The following CYFIP1 variants were observed in gnomAD, a reference collection of about 807,000 sequenced individuals.
The protein encoded by CYFIP1 is cytoplasmic FMR1-interacting protein 1.
A neutral mutation model predicts 163.5 loss-of-function variants in CYFIP1; 58 were observed. The observed-to-expected ratio is 0.35, with a 90% CI of 0.29 to 0.44. CYFIP1 has a LOEUF of 0.44. Among genes scored for constraint, CYFIP1 ranks in the 20% least tolerant of loss-of-function variants. The pLI is 1.00. For synonymous variants in CYFIP1, 663 were observed against 660.7 expected, an observed-to-expected ratio of 1.00 and a Z score of -0.05; for missense variants, 1,338 against 1,653.8, an observed-to-expected ratio of 0.81 and a Z score of 3.31.
chr15:22,931,869 CTATGTTTAGA>C (rs926584802), intron 11 of CYFIP1, among the ~76,000 whole-genome samples: 2 of 151,978 alleles, frequency 1.3e-5, no homozygotes, highest in African/African-American at 4.8e-5. Context: ...TGTACCTTTT[CTATGTTTAGA>C]TATGTTTAGA....
At position 22,891,924 on chromosome 15, in the gene CYFIP1, T is replaced by C. The variant is rs553379863; in HGVS notation, c.2676+966A>G. ...TGTGAGCGGCAGGGCCTGGGCCCTC[T>C]CCATCCCAGCTCCAGGCATTGGGCA... On this transcript the variant is annotated intron_variant, in intron 23 of 30. Coordinates refer to ENST00000617928, the MANE Select transcript of CYFIP1 (RefSeq NM_014608.6). Among the ~76,000 whole-genome samples the C allele has an allele frequency of 2.2e-4, 34 of 152,340 alleles. 1 individual carries two copies. The highest frequency in any genetic ancestry group is 2.0e-3 in the Admixed American group (30 of 15,306).
At chr15:22,913,065 G>A (rs763736947) in intron 17 of CYFIP1, among the ~76,000 whole-genome samples, 14 of 151,884 alleles carry the variant, frequency 9.2e-5, no homozygotes, top group African/African-American at 1.9e-4. Context: ...GTGTGGTGGC[G>A]CATGCCTGTA....
rs752890479 is a variant in CYFIP1 at position 22,928,015 on chromosome 15, G to A, written c.1124C>T (p.Ser375Leu). The change falls in exon 12 of 31, where the codon TCG (serine) becomes TTG (leucine). Residue 375 changes from serine to leucine, a missense_variant. Around this residue, in one of 4 missense-constraint regions of CYFIP1, gnomAD observed 824 missense variants for 995.7 expected, o/e 0.83. Transcript: ENST00000617928. ...RYSNSEVVTG[S>L]GRQEAQKTDA... Reference sequence around the variant, plus strand: ...CGTCTTCTGGGCCTCCTGGCGGCCCGAGCCCGTGACCACCTGCACAAGGCG... The same window carrying A: ...CGTCTTCTGGGCCTCCTGGCGGCCCAAGCCCGTGACCACCTGCACAAGGCG... 3.8e-6 allele frequency: 6 copies of A among 1,567,024 alleles called. No homozygotes were observed. The highest frequency in any genetic ancestry group is 1.2e-5 in the South Asian group (1 of 85,540).
rs554647215 is a variant in CYFIP1 at position 22,971,731 on chromosome 15, G to A, written c.-7+8556C>T. ...GAAATAAAATAAAAAGTAGCTGCAC[G>A]TGGTGGCTCACACCTGTAGTCCCAG... is the stretch of plus-strand genomic sequence containing the variant. On this transcript the variant is annotated intron_variant, in intron 1 of 30. Transcript: ENST00000617928. 2.8e-4 allele frequency among the ~76,000 whole-genome samples: 43 copies of A among 152,102 alleles called. No homozygotes were observed. The South Asian group carries it at 3.3e-3, about 12-fold the overall frequency.
chr15:22,904,124 C>T lies in CYFIP1; in HGVS notation c.2389-219G>A. 5 of 595,610 alleles carry T rather than the reference C, an allele frequency of 8.4e-6. No individual in the cohort carries two copies. In the South Asian group the frequency reaches 9.9e-5, roughly 12 times the overall value. The allele number at this position is 595,610 out of a possible 1,614,324, so 36.9% of individuals were successfully genotyped here. ...GTCATGCCTTTCTCCACTGCAGTCACCTCCACGCCACCTACCCCTGCTGTC... is the reference window on the plus strand; with the variant it reads ...GTCATGCCTTTCTCCACTGCAGTCATCTCCACGCCACCTACCCCTGCTGTC... On this transcript the variant is annotated intron_variant, in intron 21 of 30. Coordinates refer to ENST00000617928, the MANE Select transcript of CYFIP1 (RefSeq NM_014608.6).
In CYFIP1 at chr15:22,947,244, C is replaced by T. The variant is rs553275195; in HGVS notation, c.42G>A (p.Val14=). 6.2e-7 allele frequency: 1 copy of T among 1,613,982 alleles called. No homozygotes were observed. Among genetic ancestry groups the T allele is most frequent in the Non-Finnish European group, 8.5e-7 (1 of 1,179,958 alleles). Reference sequence around the variant, plus strand: ...GCAGGGGCAGCTCCTCCAGGAGGTCCACGTTGGACAGCGCGTCCTCCAGAG... The same window carrying T: ...GCAGGGGCAGCTCCTCCAGGAGGTCTACGTTGGACAGCGCGTCCTCCAGAG... ...QVTLEDALSN[V]DLLEELPLPD... is the part of the protein sequence containing the mutation. Residue 14 remains valine (V), a synonymous_variant, in exon 2 of 31, where the codon GTG becomes GTA. Transcript: ENST00000617928.
intron 26 of CYFIP1, among the ~76,000 whole-genome samples, chr15:22,878,905 G>A (rs1414715658): frequency 6.6e-6 from 1 of 152,130 alleles, no homozygotes; most frequent in Non-Finnish European, 1.5e-5. Flanking sequence ...GGGAGACCAA[G>A]GCGGGTGGAT....
chr15:22,955,107 T>C (rs1049424233), intron 1 of CYFIP1, among the ~76,000 whole-genome samples: 1 of 152,174 alleles, frequency 6.6e-6, no homozygotes, highest in East Asian at 1.9e-4. Context: ...GCCACCCACT[T>C]GAAGGGCAGT....
At chr15:22,870,553 C>G (rs2059405712) in intron 30 of CYFIP1, among the ~76,000 whole-genome samples, 1 of 152,004 alleles carries the variant, frequency 6.6e-6, no homozygotes, top group Non-Finnish European at 1.5e-5. Context: ...CTCAAGCAAT[C>G]CTCCTCTGCC....
intron 23 of CYFIP1, among the ~76,000 whole-genome samples, chr15:22,886,968 C>T (rs967211872): frequency 7.9e-5 from 12 of 152,140 alleles, no homozygotes; most frequent in African/African-American, 1.7e-4. Flanking sequence ...TGTTGTTTGA[C>T]GCATAAACAT....
Position 22,869,987 on chromosome 15 carries a change from A to G in CYFIP1, c.*41T>C. ...ATCTCACTAAATAGTTTACGGAGAGAAAGGCATGCCATGTTGAGTTACGGA... is the reference window on the plus strand; with the variant it reads ...ATCTCACTAAATAGTTTACGGAGAGGAAGGCATGCCATGTTGAGTTACGGA... On this transcript the variant is annotated 3_prime_UTR_variant, in exon 31 of 31. Transcript: ENST00000617928. 1.3e-6 allele frequency: 2 copies of G among 1,522,048 alleles called. No homozygotes were observed. Among genetic ancestry groups the G allele is most frequent in the Non-Finnish European group, 1.8e-6 (2 of 1,138,522 alleles). The allele number at this position is 1,522,048 out of a possible 1,614,324, so 94.3% of individuals were successfully genotyped here.
In CYFIP1 at chr15:22,917,463, TAC is replaced by T. The variant is rs1418860728; in HGVS notation, c.1674+323_1674+324del. 7.5e-6 allele frequency: 4 copies of T among 534,292 alleles called. No homozygotes were observed. The highest frequency in any genetic ancestry group is 4.0e-5 in the Admixed American group (1 of 24,898). 33.1% of individuals were successfully genotyped at this position (534,292 alleles called of 1,614,324 possible). The stretch of plus-strand genomic sequence containing the variant: ...ATTTGCAGACCCAACGTAAAAATTA[TAC>T]AGACATTCAAACACCCATCAAGAAA... On this transcript the variant is annotated intron_variant, in intron 15 of 30. Transcript: ENST00000617928. This position sits in a 1 kb window ranked among gnomAD's most constrained non-coding sequence, Gnocchi z 4.2.
rs546948963 is a variant in CYFIP1 at position 22,889,843 on chromosome 15, T to G, written c.2676+3047A>C. Reference sequence around the variant, plus strand: ...TTTAGTTCACAGAGACCCAAGAAATTATTCTCACTCGCCAAACTTTCTAGT... The same window carrying G: ...TTTAGTTCACAGAGACCCAAGAAATGATTCTCACTCGCCAAACTTTCTAGT... On this transcript the variant is annotated intron_variant, in intron 23 of 30. Transcript: ENST00000617928. Among the ~76,000 whole-genome samples, 4 of 152,296 alleles carry G rather than the reference T, an allele frequency of 2.6e-5. No individual in the cohort carries two copies. The South Asian group carries it at 8.3e-4, about 32-fold the overall frequency.
chr15:22,958,097 CTTTTTTT>C (rs57822590), intron 1 of CYFIP1, among the ~76,000 whole-genome samples: 3,471 of 141,378 alleles, frequency 0.025, 70 homozygotes, highest in East Asian at 0.057. Flanking sequence ...AAGTAATTTG[CTTTTTTT>C]TTTTTTTTGA....
chr15:22,946,887 T>C (rs758617636), intron 3 of CYFIP1, 116 bp downstream of exon 3: 1 of 883,580 alleles, frequency 1.1e-6, no homozygotes, highest in East Asian at 2.5e-5. Context: ...ATTTCATTCA[T>C]TTTCTTCTCT....
intron 22 of CYFIP1, among the ~76,000 whole-genome samples, chr15:22,900,485 G>A (rs112895329): frequency 0.15 from 21,634 of 148,926 alleles, 1,631 homozygotes; most frequent in South Asian, 0.24. Context: ...TGCAACCTCC[G>A]CTGCCCGGGT....
chr15:22,916,976 C>G, intron 15 of CYFIP1: 1 of 1,551,672 alleles, frequency 6.4e-7, no homozygotes, highest in Non-Finnish European at 8.7e-7. Flanking sequence ...ACTTGAGCTG[C>G]CTGAGCAGCT....
At chr15:22,907,063 C>T (rs1020461618) in intron 21 of CYFIP1, among the ~76,000 whole-genome samples, 3 of 152,178 alleles carry the variant, frequency 2.0e-5, no homozygotes, top group Non-Finnish European at 2.9e-5. Flanking sequence ...TGCTCCCCTC[C>T]GCCATGATCC....
rs1368486090 is a variant in CYFIP1, at chr15:22,868,555, C to A, written c.*1473G>T. 2 of 143,126 alleles carry A rather than the reference C, an allele frequency of 1.4e-5. No homozygotes were observed. The highest frequency in any genetic ancestry group is 3.1e-5 in the Non-Finnish European group (2 of 65,486). 8.9% of individuals were successfully genotyped at this position (143,126 alleles called of 1,614,324 possible). On this transcript the variant is annotated 3_prime_UTR_variant, in exon 31 of 31. Coordinates refer to ENST00000617928, the MANE Select transcript of CYFIP1 (RefSeq NM_014608.6). The stretch of plus-strand genomic sequence containing the variant: ...CTAAATCTGCAGCAGAATGCTGGCC[C>A]CAGGGTTATTAATTCACATTACCAA...
Sources: allele counts gnomAD v4.1 joint callset (sites outside exome capture counted in the v4.1 genomes callset), GRCh38; gene constraint gnomAD v4.1.1; regional missense constraint gnomAD v4.1.1; non-coding constraint Gnocchi (gnomAD v3.1); transcripts MANE v1.5; gene names NCBI Gene and HGNC (gene_info 2026-07-23, HGNC 2026-07-21).